Variants in SPIDR observed in about 807,000 individuals in gnomAD.
SPIDR encodes the protein scaffold protein involved in DNA repair.
A neutral mutation model predicts 104.6 loss-of-function variants in SPIDR; 93 were observed. The ratio of observed to expected loss-of-function variants is 0.89; its 90% confidence interval spans 0.75 to 1.06. The LOEUF is 1.06. Ranked by LOEUF, SPIDR falls within the 50% of genes least tolerant of loss-of-function variation. The probability of loss-of-function intolerance (pLI) is 0.00; values close to 1 mark genes in which losing one functional copy is unlikely to be tolerated. For synonymous variants in SPIDR, 431 were observed against 416.9 expected (o/e 1.03, Z -0.41); for missense variants, 1,154 against 1,111.2 (o/e 1.04, Z -0.55).
intron 5 of SPIDR, among the ~76,000 whole-genome samples, chr8:47,386,587 G>A (rs572907178): frequency 2.3e-4 from 35 of 152,154 alleles, no homozygotes; most frequent in African/African-American, 7.0e-4. Flanking sequence ...GTGGGGGCTC[G>A]AGCAAGCCAC....
intron 5 of SPIDR, among the ~76,000 whole-genome samples, chr8:47,303,934 C>T (rs1442210350): frequency 2.0e-5 from 3 of 152,130 alleles, no homozygotes; most frequent in Non-Finnish European, 4.4e-5. Context: ...ACCTCGGCCT[C>T]CCAAAGTGCT....
chr8:47,291,004 T>C, intron 3 of SPIDR, 29 bp from the exon 4 acceptor site: 10 of 1,552,208 alleles, frequency 6.4e-6, no homozygotes, highest in Non-Finnish European at 8.0e-6. Flanking sequence ...AAGGAGATCA[T>C]ATTTATGTGC....
chr8:47,519,126 G>T (rs542794950), intron 8 of SPIDR, among the ~76,000 whole-genome samples: 12 of 150,808 alleles, frequency 8.0e-5, no homozygotes, highest in Middle Eastern at 3.5e-3. Flanking sequence ...TATGTGTTTT[G>T]TTGTTGTTGT....
intron 8 of SPIDR, among the ~76,000 whole-genome samples, chr8:47,453,532 G>C (rs2072313580): frequency 6.6e-6 from 1 of 152,114 alleles, no homozygotes; most frequent in Admixed American, 6.5e-5. Flanking sequence ...CAGACCAATG[G>C]AACAGAACAG....
intron 10 of SPIDR, among the ~76,000 whole-genome samples, chr8:47,606,286 G>A (rs769312217): frequency 5.9e-5 from 9 of 151,966 alleles, no homozygotes; most frequent in African/African-American, 1.7e-4. Context: ...TTGGGAGGCC[G>A]AGGTGGGTGG....
intron 1 of SPIDR, among the ~76,000 whole-genome samples, chr8:47,264,584 C>T (rs894312537): frequency 6.6e-6 from 1 of 151,980 alleles, no homozygotes; most frequent in Non-Finnish European, 1.5e-5. Context: ...TAGCCAAGGA[C>T]GACCACATAT....
intron 11 of SPIDR, among the ~76,000 whole-genome samples, chr8:47,683,392 C>T (rs1032988219): frequency 1.3e-5 from 2 of 152,166 alleles, no homozygotes. Context: ...GGGTGAACAT[C>T]CCCCTCATCT....
chr8:47,351,074 A>T (rs1787437228), intron 5 of SPIDR, among the ~76,000 whole-genome samples: 1 of 152,174 alleles, frequency 6.6e-6, no homozygotes. Flanking sequence ...GACTATCACA[A>T]CATCTCAGTG....
chr8:47,519,988 G>A (rs546589046), intron 8 of SPIDR, among the ~76,000 whole-genome samples: 16 of 152,288 alleles, frequency 1.1e-4, no homozygotes, highest in African/African-American at 3.4e-4. Flanking sequence ...ATTATATTAA[G>A]CCCTTATACC....
rs190905310 is a variant in SPIDR at position 47,652,798 on chromosome 8, T to G, written c.1545-21003T>G. The stretch of plus-strand genomic sequence containing the variant: ...AGCAGGTAGAACATGTATGCATACT[T>G]CACAAAAAACAGGTGATTTATAAGC... On this transcript the variant is annotated intron_variant, in intron 10 of 19. Coordinates refer to ENST00000297423, the MANE Select transcript of SPIDR (RefSeq NM_001080394.4). Among the ~76,000 whole-genome samples the G allele has an allele frequency of 3.9e-5, 6 of 152,254 alleles. No individual in the cohort carries two copies. In the East Asian group the frequency reaches 1.2e-3, roughly 29 times the overall value.
At chr8:47,705,755 T>G (rs1475738988) in intron 14 of SPIDR, among the ~76,000 whole-genome samples, 1 of 152,046 alleles carries the variant, frequency 6.6e-6, no homozygotes, top group Non-Finnish European at 1.5e-5. Flanking sequence ...AAATTAAAAA[T>G]TAGCCAGGCA....
chr8:47,530,554 A>G (rs1486774511), intron 8 of SPIDR, among the ~76,000 whole-genome samples: 1 of 152,170 alleles, frequency 6.6e-6, no homozygotes, highest in Non-Finnish European at 1.5e-5. Flanking sequence ...GTGCCCCTCT[A>G]TAGGGCACTT....
In SPIDR at chr8:47,466,063, A is replaced by G. The variant is rs533661090; in HGVS notation, c.1097+25521A>G. Among the ~76,000 whole-genome samples, 5 of 152,286 alleles carry G rather than the reference A, an allele frequency of 3.3e-5. 1 individual carries two copies. Among genetic ancestry groups the G allele is most frequent in the African/African-American group, 1.2e-4 (5 of 41,552 alleles). On this transcript the variant is annotated intron_variant, in intron 8 of 19. Coordinates refer to ENST00000297423, the MANE Select transcript of SPIDR (RefSeq NM_001080394.4). Reference sequence around the variant, plus strand: ...CCTTCAAAGAGACTTAAACTCCCACACAATAGTAGTGGGAGATTTCAACAC... The same window carrying G: ...CCTTCAAAGAGACTTAAACTCCCACGCAATAGTAGTGGGAGATTTCAACAC...
At chr8:47,725,492 A>G (rs940178406) in intron 16 of SPIDR, among the ~76,000 whole-genome samples, 1 of 152,112 alleles carries the variant, frequency 6.6e-6, no homozygotes, top group Non-Finnish European at 1.5e-5. Context: ...CCTGGGTTCA[A>G]GCGATTCTCC....
chr8:47,427,940 G>A (rs1471664125), intron 7 of SPIDR, among the ~76,000 whole-genome samples: 8 of 151,802 alleles, frequency 5.3e-5, no homozygotes, highest in Non-Finnish European at 7.4e-5. Context: ...TTTTTGTTTT[G>A]AGACACAGTC....
At chr8:47,369,899 T>G (rs1317486941) in intron 5 of SPIDR, among the ~76,000 whole-genome samples, 2 of 152,174 alleles carry the variant, frequency 1.3e-5, no homozygotes, top group African/African-American at 4.8e-5. Context: ...CTTTCTTGGT[T>G]TGTCTGGATT....
chr8:47,277,820 G>GC (rs1439523845), intron 1 of SPIDR, among the ~76,000 whole-genome samples: 1 of 151,476 alleles, frequency 6.6e-6, no homozygotes, highest in Non-Finnish European at 1.5e-5. Context: ...GACTACAGGC[G>GC]CACACCACCA....
chr8:47,557,270 T>A (rs73567507), intron 8 of SPIDR, among the ~76,000 whole-genome samples: 2,762 of 152,236 alleles, frequency 0.018, 87 homozygotes, highest in African/African-American at 0.064. Flanking sequence ...GGGGGTGACC[T>A]TTGGGTAGTC....
intron 8 of SPIDR, among the ~76,000 whole-genome samples, chr8:47,454,807 A>G (rs2072633024): frequency 6.6e-6 from 1 of 152,096 alleles, no homozygotes; most frequent in Admixed American, 6.6e-5. Context: ...TTGAGGCTAC[A>G]GTGTGCTATG....
Sources: allele counts gnomAD v4.1 joint callset (sites outside exome capture counted in the v4.1 genomes callset), GRCh38; gene constraint gnomAD v4.1.1; transcripts MANE v1.5; gene names NCBI Gene and HGNC (gene_info 2026-07-23, HGNC 2026-07-21).